Variants in SPINK8 observed in about 807,000 individuals in gnomAD.
The protein encoded by SPINK8 is serine peptidase inhibitor Kazal type 8 (putative), also known as serine protease inhibitor Kazal-type 8.
A neutral mutation model predicts 14.4 loss-of-function variants in SPINK8; 12 were observed. The observed-to-expected ratio is 0.83, with a 90% CI of 0.53 to 1.35. SPINK8 has a LOEUF of 1.35. Ranked by LOEUF, SPINK8 falls within the 40% of genes most tolerant of loss-of-function variation. The pLI, the probability that SPINK8 is intolerant of heterozygous loss-of-function variation, is 0.00. For synonymous variants in SPINK8, 32 were observed against 37.6 expected (o/e 0.85, Z 0.55); for missense variants, 103 against 117.0 (o/e 0.88, Z 0.55).
rs769974295 is a variant in SPINK8 at position 48,306,844 on chromosome 3, T to G, written c.*148A>C. ...AAGAGAAATGTTTGCCAGCCAGGTT[T>G]TCTGCTAAGAATCATTTATTGAAGA... On this transcript the variant is annotated 3_prime_UTR_variant, in exon 8 of 8. Transcript: ENST00000434006. 3.4e-5 allele frequency: 25 copies of G among 731,052 alleles called. No individual in the cohort carries two copies. Among genetic ancestry groups the G allele is most frequent in the Non-Finnish European group, 4.7e-5 (21 of 449,642 alleles). 45.3% of individuals were successfully genotyped at this position (731,052 alleles called of 1,614,324 possible). A position where few individuals can be genotyped will look rare whatever the true frequency, so the allele number is the denominator to read the frequency against.
At chr3:48,310,064 A>G (rs2035905345) in intron 6 of SPINK8, 118 bp from the exon 7 acceptor site, 2 of 1,186,824 alleles carry the variant, frequency 1.7e-6, no homozygotes, top group East Asian at 7.1e-5. Context: ...CTAATAATGA[A>G]TTCTTGGCAA....
At chr3:48,307,191 A>G (rs2035860544) in intron 7 of SPINK8, among the ~76,000 whole-genome samples, 188 bp from the exon 8 acceptor site, 1 of 152,188 alleles carries the variant, frequency 6.6e-6, no homozygotes, top group South Asian at 2.1e-4. Context: ...GGTGGAAAAG[A>G]GGCAAAGGAT....
chr3:48,317,665 G>A (rs2036011862), intron 6 of SPINK8, among the ~76,000 whole-genome samples: 2 of 151,466 alleles, frequency 1.3e-5, no homozygotes, highest in African/African-American at 4.9e-5. Flanking sequence ...ACAGGCACCC[G>A]CCACCACGTC....
intron 6 of SPINK8, among the ~76,000 whole-genome samples, chr3:48,317,278 TAGG>T (rs1639062717): frequency 6.6e-6 from 1 of 151,830 alleles, no homozygotes; most frequent in Non-Finnish European, 1.5e-5. Context: ...CACCTGAGGT[TAGG>T]AGTTTGAGAC....
intron 7 of SPINK8, among the ~76,000 whole-genome samples, chr3:48,309,645 G>A (rs1353889823): frequency 6.6e-6 from 1 of 152,206 alleles, no homozygotes; most frequent in Non-Finnish European, 1.5e-5. Context: ...ATGTAGGAGT[G>A]AATAACATGA....
chr3:48,321,056 G>C lies in SPINK8; in HGVS notation c.86C>G (p.Ala29Gly). The change falls in exon 5 of 8, where the codon GCC becomes GGC. Residue 29 changes from alanine to glycine, a missense_variant. Physicochemically the swap from Ala to Gly is moderately conservative, Grantham distance 60 (BLOSUM62 0). Coordinates refer to ENST00000434006, the MANE Select transcript of SPINK8 (RefSeq NM_001080525.3). Reference protein sequence around the residue: ...AFAIDFPLPMASERGQLDKTI... With the variant: ...AFAIDFPLPMGSERGQLDKTI... ...TTTGTCTAGCTGACCTCTTTCAGAG[G>C]CCATAGGAAGGGGGAAGTCTGGAAG... 6.3e-7 allele frequency: 1 copy of C among 1,587,418 alleles called. No homozygotes were observed. The highest frequency in any genetic ancestry group is 8.6e-7 in the Non-Finnish European group (1 of 1,165,668).
At chr3:48,324,879 G>A (rs1314318341) in intron 4 of SPINK8, among the ~76,000 whole-genome samples, 1 of 152,096 alleles carries the variant, frequency 6.6e-6, no homozygotes, top group Non-Finnish European at 1.5e-5. Context: ...AGCCATTATT[G>A]AAAGTTTGAG....
Position 48,319,485 on chromosome 3 carries a change from A to G in SPINK8, c.239+12T>C. 2 of 1,613,938 alleles carry G rather than the reference A, an allele frequency of 1.2e-6. No individual in the cohort carries two copies. The highest frequency in any genetic ancestry group is 1.7e-6 in the Non-Finnish European group (2 of 1,179,818). ...TGACTTGAAAGAAAGGGAGAACAAAATTAGGACTTACAGAATTTTGGAGCA... is the reference window on the plus strand; with the variant it reads ...TGACTTGAAAGAAAGGGAGAACAAAGTTAGGACTTACAGAATTTTGGAGCA... On this transcript the variant is annotated intron_variant, in intron 6 of 7. Coordinates refer to ENST00000434006, the MANE Select transcript of SPINK8 (RefSeq NM_001080525.3).
At chr3:48,321,158 T>C in intron 4 of SPINK8, 84 bp from the exon 5 acceptor site, 2 of 1,376,684 alleles carry the variant, frequency 1.5e-6, no homozygotes, top group Non-Finnish European at 2.0e-6. Flanking sequence ...GAACCCTAGT[T>C]GGCACACAGG....
At chr3:48,311,258 A>G (rs760136996) in intron 6 of SPINK8, among the ~76,000 whole-genome samples, 17 of 152,232 alleles carry the variant, frequency 1.1e-4, no homozygotes, top group Middle Eastern at 3.2e-3. Flanking sequence ...ACGATAAAGA[A>G]CACTTATGAA....
chr3:48,317,761 C>T (rs1448575183), intron 6 of SPINK8, among the ~76,000 whole-genome samples: 2 of 150,270 alleles, frequency 1.3e-5, no homozygotes, highest in Non-Finnish European at 3.0e-5. Flanking sequence ...CTGATCTGCC[C>T]GTCTCAAAAG....
At chr3:48,308,862 A>G (rs1414108371) in intron 7 of SPINK8, among the ~76,000 whole-genome samples, 1 of 152,248 alleles carries the variant, frequency 6.6e-6, no homozygotes, top group East Asian at 1.9e-4. Flanking sequence ...GACAAGAGTC[A>G]TAGACTGAGG....
intron 7 of SPINK8, among the ~76,000 whole-genome samples, chr3:48,308,683 C>T (rs1357005083): frequency 6.6e-6 from 1 of 152,208 alleles, no homozygotes; most frequent in East Asian, 1.9e-4. Flanking sequence ...ACCAATCCCT[C>T]TTTCTGCATG....
chr3:48,332,611 G>C (rs1187693561), intron 1 of SPINK8, among the ~76,000 whole-genome samples, 140 bp from the exon 2 acceptor site: 1 of 152,148 alleles, frequency 6.6e-6, no homozygotes, highest in East Asian at 1.9e-4. Flanking sequence ...GTCTACACTG[G>C]GAACTGCCTG....
At chr3:48,329,971 A>G (rs2036226585) in intron 2 of SPINK8, among the ~76,000 whole-genome samples, 1 of 152,236 alleles carries the variant, frequency 6.6e-6, no homozygotes, top group Non-Finnish European at 1.5e-5. Context: ...AAAATTTCTC[A>G]AAACGCTAAC....
At chr3:48,308,710 C>T (rs890303254) in intron 7 of SPINK8, among the ~76,000 whole-genome samples, 1 of 152,190 alleles carries the variant, frequency 6.6e-6, no homozygotes, top group African/African-American at 2.4e-5. Flanking sequence ...AAACTCTTCT[C>T]CCCTGTTAAA....
chr3:48,308,025 G>A (rs1344410934), intron 7 of SPINK8, among the ~76,000 whole-genome samples: 1 of 136,056 alleles, frequency 7.3e-6, no homozygotes, highest in African/African-American at 2.7e-5. Flanking sequence ...CCAGGCTGGA[G>A]TGCAGTGGCG....
intron 6 of SPINK8, among the ~76,000 whole-genome samples, chr3:48,314,875 G>A (rs1302260065): frequency 6.6e-6 from 1 of 152,178 alleles, no homozygotes; most frequent in Non-Finnish European, 1.5e-5. Context: ...GCCAGTGTAA[G>A]GCTTTCTGCA....
intron 2 of SPINK8, among the ~76,000 whole-genome samples, chr3:48,331,020 C>T (rs899661310): frequency 6.6e-6 from 1 of 152,010 alleles, no homozygotes; most frequent in Non-Finnish European, 1.5e-5. Context: ...CAGGCCGGTC[C>T]AAGGATCCCT....
Sources: gnomAD v4.1 joint callset for allele counts (sites outside exome capture counted in the v4.1 genomes callset) on GRCh38, gnomAD v4.1.1 for gene constraint, MANE v1.5 for transcripts, NCBI Gene and HGNC (gene_info 2026-07-23, HGNC 2026-07-21) for gene names.